The following ANGPTL1 variants were observed in gnomAD, a reference collection of about 807,000 sequenced individuals.
ANGPTL1 encodes angiopoietin-related protein 1.
A neutral mutation model predicts 46.7 loss-of-function variants in ANGPTL1; 36 were observed. The ratio of observed to expected loss-of-function variants is 0.77; its 90% confidence interval spans 0.59 to 1.02. The LOEUF (loss-of-function observed/expected upper bound fraction) is 1.02. Among genes scored for constraint, ANGPTL1 ranks in the 50% least tolerant of loss-of-function variants. The pLI is 0.00. For synonymous variants in ANGPTL1, 221 were observed against 204.3 expected (o/e 1.08, Z -0.69); for missense variants, 571 against 594.7 (o/e 0.96, Z 0.41).
chr1:178,852,689 A>T lies in ANGPTL1; in HGVS notation c.1282T>A (p.Tyr428Asn). The change falls in exon 5 of 6, where the codon TAT becomes AAT. Residue 428 changes from tyrosine to asparagine, a missense_variant. Physicochemically the swap from Tyr to Asn is moderately radical, Grantham distance 143. Transcript: ENST00000234816. ...FTTLDRDKDM[Y>N]AGNCAHFHKG... ...GAAAGTTTTTCATACTTACCTGCAT[A>T]CATATCTTTATCTCTGTCCAGTGTG... 1 of 1,612,138 alleles carries T rather than the reference A, an allele frequency of 6.2e-7. No homozygotes were observed.
rs73039849 is a variant in ANGPTL1, at chr1:178,860,545, A to G, written c.823+4409T>C. ...GCCATCACCACCATCCTTCTCCAGAACTCTTCATCTTGCAAAACTGTAACT... is the reference window on the plus strand; with the variant it reads ...GCCATCACCACCATCCTTCTCCAGAGCTCTTCATCTTGCAAAACTGTAACT... On this transcript the variant is annotated intron_variant, in intron 3 of 5. Coordinates refer to ENST00000234816, the MANE Select transcript of ANGPTL1 (RefSeq NM_004673.4). Among the ~76,000 whole-genome samples the G allele has an allele frequency of 9.9e-3, 1,503 of 152,168 alleles. 23 individuals are homozygous for G. The highest frequency in any genetic ancestry group is 0.035 in the African/African-American group (1,433 of 41,500).
chr1:178,857,984 T>G (rs1657708583), intron 3 of ANGPTL1, among the ~76,000 whole-genome samples: 1 of 152,194 alleles, frequency 6.6e-6, no homozygotes, highest in African/African-American at 2.4e-5. Context: ...ATTATGCAAA[T>G]TTAAGATTAT....
intron 2 of ANGPTL1, 86 bp downstream of exon 2, chr1:178,869,028 C>CT (rs2102346365): frequency 6.6e-6 from 1 of 152,050 alleles, no homozygotes; most frequent in Admixed American, 6.6e-5. Flanking sequence ...ATCCATAAAT[C>CT]TATGTTACCT....
chr1:178,860,136 T>G (rs1194087750), intron 3 of ANGPTL1, among the ~76,000 whole-genome samples: 6 of 152,148 alleles, frequency 3.9e-5, no homozygotes, highest in Non-Finnish European at 7.4e-5. Context: ...TCAGCTCTCC[T>G]ACAAGGAATA....
At chr1:178,864,825 AAAC>A (rs1658272376) in intron 3 of ANGPTL1, 126 bp downstream of exon 3, 2 of 555,466 alleles carry the variant, frequency 3.6e-6, no homozygotes, top group Non-Finnish European at 2.7e-6. Flanking sequence ...TATTAATAAA[AAAC>A]AATAGAAATT....
intron 3 of ANGPTL1, among the ~76,000 whole-genome samples, chr1:178,861,668 T>TA (rs531445892): frequency 3.4e-4 from 52 of 152,316 alleles, no homozygotes; most frequent in Non-Finnish European, 6.2e-4. Context: ...CCTCATCAGT[T>TA]AAAAAAATTC....
intron 3 of ANGPTL1, among the ~76,000 whole-genome samples, chr1:178,862,235 A>C (rs890412402): frequency 2.4e-4 from 36 of 152,110 alleles, no homozygotes; most frequent in African/African-American, 8.7e-4. Flanking sequence ...TGCTACTGTA[A>C]CTTAGAACAG....
intron 2 of ANGPTL1, among the ~76,000 whole-genome samples, chr1:178,867,720 A>AT (rs1432304972): frequency 6.6e-6 from 1 of 151,994 alleles, no homozygotes; most frequent in Non-Finnish European, 1.5e-5. Flanking sequence ...CTGCCAGATC[A>AT]TTTTTTTACA....
chr1:178,855,404 A>G (rs1182070277), intron 3 of ANGPTL1, among the ~76,000 whole-genome samples: 1 of 151,820 alleles, frequency 6.6e-6, no homozygotes, highest in African/African-American at 2.4e-5. Flanking sequence ...GAAATTGAAA[A>G]GTACACGCAA....
chr1:178,860,400 A>G (rs895296674), intron 3 of ANGPTL1, among the ~76,000 whole-genome samples: 4 of 152,114 alleles, frequency 2.6e-5, no homozygotes, highest in African/African-American at 9.7e-5. Context: ...TCTTATAACC[A>G]TTTTTAAAGA....
At position 178,852,948 on chromosome 1, in the gene ANGPTL1, C is replaced by A; in HGVS notation, c.1023G>T (p.Gly341=). The change falls in exon 5 of 6, where the codon GGG becomes GGT. Residue 341 remains glycine, a synonymous_variant. Transcript: ENST00000234816. ...AGTATTCTCCGTCAATGTTTCCAAACCCTTTCTGTTAATAAGTGAAGAAAC... is the reference window on the plus strand; with the variant it reads ...AGTATTCTCCGTCAATGTTTCCAAAACCTTTCTGTTAATAAGTGAAGAAAC... ...FFRNWENYKK[G]FGNIDGEYWL... 2 of 1,606,936 alleles carry A rather than the reference C, an allele frequency of 1.2e-6. No homozygotes were observed. The highest frequency in any genetic ancestry group is 2.2e-5 in the South Asian group (2 of 90,260).
chr1:178,854,700 TAGAC>T (rs1306876789), intron 3 of ANGPTL1, among the ~76,000 whole-genome samples: 2 of 152,164 alleles, frequency 1.3e-5, no homozygotes, highest in Non-Finnish European at 2.9e-5. Context: ...AAACCCTAGA[TAGAC>T]ATAAATCCTT....
chr1:178,855,394 G>A (rs1657465731), intron 3 of ANGPTL1, among the ~76,000 whole-genome samples: 2 of 151,146 alleles, frequency 1.3e-5, no homozygotes, highest in Non-Finnish European at 3.0e-5. Context: ...TAAATACAAG[G>A]AAATTGAAAA....
chr1:178,858,422 T>C (rs1472826807), intron 3 of ANGPTL1, among the ~76,000 whole-genome samples: 1 of 152,196 alleles, frequency 6.6e-6, no homozygotes, highest in Non-Finnish European at 1.5e-5. Context: ...CCAGATTTAA[T>C]TCACAGGTTT....
At chr1:178,870,244 G>A (rs953008763) in intron 1 of ANGPTL1, among the ~76,000 whole-genome samples, 1 of 152,086 alleles carries the variant, frequency 6.6e-6, no homozygotes, top group Non-Finnish European at 1.5e-5. Flanking sequence ...TTGTTGCAAA[G>A]ACTTTCAACT....
chr1:178,852,705 G>A lies in ANGPTL1; in HGVS notation c.1266C>T (p.Asp422=), dbSNP rs34483360. 2.8e-3 allele frequency: 4,460 copies of A among 1,613,540 alleles called. 97 individuals carry two copies. The African/African-American group carries it at 0.049, about 18-fold the overall frequency. ...TACCTGCATACATATCTTTATCTCTGTCCAGTGTGGTGAATTGTTTACCAT... is the reference window on the plus strand; with the variant it reads ...TACCTGCATACATATCTTTATCTCTATCCAGTGTGGTGAATTGTTTACCAT... ...WHNGKQFTTL[D]RDKDMYAGNC... The change falls in exon 5 of 6, where the codon GAC becomes GAT. Residue 422 remains aspartate (D), a synonymous_variant. Coordinates refer to ENST00000234816, the MANE Select transcript of ANGPTL1 (RefSeq NM_004673.4).
chr1:178,858,620 C>T (rs1249310759), intron 3 of ANGPTL1, among the ~76,000 whole-genome samples: 1 of 152,116 alleles, frequency 6.6e-6, no homozygotes, highest in Non-Finnish European at 1.5e-5. Flanking sequence ...CTCTCTGTTC[C>T]TCAATTTATG....
intron 3 of ANGPTL1, among the ~76,000 whole-genome samples, chr1:178,859,689 G>A (rs1391446994): frequency 1.5e-5 from 2 of 133,840 alleles, no homozygotes; most frequent in South Asian, 2.4e-4. Flanking sequence ...CATCATACAC[G>A]AAGCACTTTT....
intron 1 of ANGPTL1, 106 bp from the exon 2 acceptor site, chr1:178,869,329 T>C (rs1658606360): frequency 6.6e-6 from 1 of 152,052 alleles, no homozygotes; most frequent in Non-Finnish European, 1.5e-5. Context: ...CATGAGGCAA[T>C]GAAGTTAAAT....
Sources: gnomAD v4.1 joint callset for allele counts (sites outside exome capture counted in the v4.1 genomes callset) on GRCh38, gnomAD v4.1.1 for gene constraint, MANE v1.5 for transcripts, NCBI Gene and HGNC (gene_info 2026-07-23, HGNC 2026-07-21) for gene names.